KAT6A: variants seen among roughly 807,000 people sequenced by gnomAD.
KAT6A encodes the protein lysine acetyltransferase 6A, also known as histone acetyltransferase KAT6A.
KAT6A carries 9 observed loss-of-function variants against 198.4 expected under a neutral mutation model. The observed-to-expected ratio is 0.05, with a 90% confidence interval of 0.03 to 0.08. The LOEUF is 0.08. KAT6A is among the 10% of genes least tolerant of loss of function. The pLI is 1.00. For missense variants in KAT6A, 2,077 were observed against 2,509.9 expected (o/e 0.83, Z 3.69); for synonymous variants, 890 against 883.0 (o/e 1.01, Z -0.14).
rs749067201 is a variant in KAT6A, at chr8:41,960,502, G to A, written c.1483-5091C>T. Among the ~76,000 whole-genome samples, 96 of 95,956 alleles carry A rather than the reference G, an allele frequency of 1.0e-3. 1 individual carries two copies. Among genetic ancestry groups the A allele is most frequent in the Non-Finnish European group, 1.6e-3 (85 of 52,464 alleles). The allele number at this position is 95,956 out of a possible 152,430, so 63.0% of individuals were successfully genotyped here. ...AGCCTGGGTGACAGAGTAAGACTCC[G>A]TCTCAAAAAAAAAAAAAAAAAAAAG... On this transcript the variant is annotated intron_variant, in intron 8 of 16. Coordinates refer to ENST00000265713, the MANE Select transcript of KAT6A (RefSeq NM_006766.5).
At chr8:41,998,728 C>G (rs898908688) in intron 2 of KAT6A, among the ~76,000 whole-genome samples, 1 of 152,062 alleles carries the variant, frequency 6.6e-6, no homozygotes. Flanking sequence ...TCTGGGTGGA[C>G]TTTAATCTCT....
At position 41,940,956 on chromosome 8, in the gene KAT6A, C is replaced by A; in HGVS notation, c.2925G>T (p.Glu975Asp). The A allele has an allele frequency of 6.2e-7, 1 of 1,614,224 alleles. No homozygotes were observed. Among genetic ancestry groups the A allele is most frequent in the Non-Finnish European group, 8.5e-7 (1 of 1,180,040 alleles). The change falls in exon 15 of 17, where the codon GAG becomes GAT. Residue 975 changes from glutamate (E) to aspartate (D), a missense_variant. Glu to Asp is a conservative substitution (Grantham distance 45, BLOSUM62 2). Coordinates refer to ENST00000265713, the MANE Select transcript of KAT6A (RefSeq NM_006766.5). ...GSERLPRRYS[E>D]GDRAVLRGFS... ...AGCCCCTGAGGACAGCCCTGTCACC[C>A]TCACTGTAGCGACGGGGCAGCCTCT...
In KAT6A at chr8:41,933,403, G is replaced by C. The variant is rs1821668630; in HGVS notation, c.4817C>G (p.Thr1606Ser). Residue 1606 changes from threonine (T) to serine (S), a missense_variant, in exon 17 of 17, where the codon ACT (threonine) becomes AGT (serine). Coordinates refer to ENST00000265713, the MANE Select transcript of KAT6A (RefSeq NM_006766.5). The surrounding 1 kb of genome is among the most constrained non-coding windows in gnomAD (Gnocchi z 6.2). ...SSLTQSSCVV[T>S]QQMASMGSSC... ...GCTGCCCATGCTGGCCATCTGCTGA[G>C]TGACCACACAGCTGCTCTGGGTGAG... is the stretch of plus-strand genomic sequence containing the variant. The C allele has an allele frequency of 1.9e-6, 3 of 1,609,756 alleles. No individual in the cohort carries two copies. The East Asian group carries it at 6.7e-5, about 36-fold the overall frequency.
chr8:41,940,954 C>T lies in KAT6A; in HGVS notation c.2927G>A (p.Gly976Asp), dbSNP rs139877562. Reference protein sequence around the residue: ...SERLPRRYSEGDRAVLRGFSE... With the variant: ...SERLPRRYSEDDRAVLRGFSE... The stretch of plus-strand genomic sequence containing the variant: ...GAAGCCCCTGAGGACAGCCCTGTCA[C>T]CCTCACTGTAGCGACGGGGCAGCCT... The change falls in exon 15 of 17, where the codon GGT (glycine) becomes GAT (aspartate). Residue 976 changes from glycine to aspartate, a missense_variant. Around this residue, in one of 13 missense-constraint regions of KAT6A, gnomAD observed 301 missense variants for 272.2 expected, o/e 1.11. Transcript: ENST00000265713. 6.2e-6 allele frequency: 10 copies of T among 1,614,210 alleles called. No individual in the cohort carries two copies. Among genetic ancestry groups the T allele is most frequent in the Non-Finnish European group, 7.6e-6 (9 of 1,180,046 alleles).
intron 8 of KAT6A, chr8:41,957,191 T>A (rs1264407342): frequency 5.1e-6 from 3 of 588,052 alleles, no homozygotes; most frequent in South Asian, 4.2e-5. Context: ...CTGTCCAGAA[T>A]GGGACCTGTG....
Position 42,006,258 on chromosome 8 carries a change from G to A in KAT6A, c.601-18695C>T, listed in dbSNP as rs142198905. On this transcript the variant is annotated intron_variant, in intron 2 of 16. Coordinates refer to ENST00000265713, the MANE Select transcript of KAT6A (RefSeq NM_006766.5). ...AAGTAGGTGTCTGGGAGTATGTTAT[G>A]TGTGTGTGTGCAGGTGCACATGTGT... Among the ~76,000 whole-genome samples the A allele has an allele frequency of 6.2e-3, 946 of 152,220 alleles. 7 individuals are homozygous for A. Among genetic ancestry groups the A allele is most frequent in the African/African-American group, 0.022 (920 of 41,550 alleles).
At chr8:42,026,505 C>A (rs1485984413) in intron 2 of KAT6A, among the ~76,000 whole-genome samples, 2 of 152,060 alleles carry the variant, frequency 1.3e-5, no homozygotes, top group Middle Eastern at 3.4e-3. Context: ...AAATTTATAA[C>A]TAGGTTTTGT....
At chr8:41,970,403 C>A (rs938658644) in intron 8 of KAT6A, among the ~76,000 whole-genome samples, 2 of 152,112 alleles carry the variant, frequency 1.3e-5, no homozygotes, top group East Asian at 3.8e-4. Context: ...CACTGTCTCC[C>A]CGAGCCTCAG....
At chr8:41,997,632 T>C (rs1380275250) in intron 2 of KAT6A, among the ~76,000 whole-genome samples, 1 of 152,162 alleles carries the variant, frequency 6.6e-6, no homozygotes, top group Admixed American at 6.5e-5. Flanking sequence ...CCATATATCT[T>C]ATCCATCCAG....
intron 8 of KAT6A, among the ~76,000 whole-genome samples, chr8:41,964,481 T>C (rs1431430538): frequency 6.6e-6 from 1 of 152,064 alleles, no homozygotes; most frequent in East Asian, 1.9e-4. Context: ...GTATCCCTAA[T>C]CTGAAAATCT....
At chr8:42,034,879 A>G (rs1157321391) in intron 2 of KAT6A, among the ~76,000 whole-genome samples, 1 of 152,220 alleles carries the variant, frequency 6.6e-6, no homozygotes. Context: ...TATAGAAGAA[A>G]ATGTGGCAAA....
chr8:41,989,774 G>A (rs1824835211), intron 2 of KAT6A, among the ~76,000 whole-genome samples: 1 of 152,090 alleles, frequency 6.6e-6, no homozygotes, highest in South Asian at 2.1e-4. Context: ...AGAGAGCTAA[G>A]GTGAGAATAC....
chr8:42,036,091 T>C (rs1827364232), intron 2 of KAT6A, among the ~76,000 whole-genome samples: 1 of 151,850 alleles, frequency 6.6e-6, no homozygotes, highest in Non-Finnish European at 1.5e-5. Context: ...ATGAGAGGGG[T>C]ATAAACTCAA....
chr8:41,933,172 GGCT>G lies in KAT6A; in HGVS notation c.5045_5047del (p.Gln1682del), dbSNP rs1821650151. 2 of 1,592,500 alleles carry G rather than the reference GGCT, an allele frequency of 1.3e-6. No homozygotes were observed. Among genetic ancestry groups the G allele is most frequent in the Non-Finnish European group, 8.5e-7 (1 of 1,170,112 alleles). ...TGGAGGCTGCTGGGGCTGAGGCTGC[GGCT>G]GCTGTTGCGGCTGCTGCTGGGGTGG... On this transcript the variant is annotated inframe_deletion, in exon 17 of 17. Coordinates refer to ENST00000265713, the MANE Select transcript of KAT6A (RefSeq NM_006766.5). The surrounding 1 kb of genome is among the most constrained non-coding windows in gnomAD (Gnocchi z 6.2).
chr8:41,965,998 T>C (rs1007506962), intron 8 of KAT6A, among the ~76,000 whole-genome samples: 6 of 152,190 alleles, frequency 3.9e-5, no homozygotes, highest in African/African-American at 9.7e-5. Flanking sequence ...CTTATTAAAA[T>C]AGTAGTTAAG....
chr8:41,933,544 G>A lies in KAT6A; in HGVS notation c.4676C>T (p.Thr1559Ile). 1.2e-6 allele frequency: 2 copies of A among 1,614,090 alleles called. No homozygotes were observed. Among genetic ancestry groups the A allele is most frequent in the Non-Finnish European group, 1.7e-6 (2 of 1,180,040 alleles). ...GCTTGGGTTCTCATAGTTTTCAGTG[G>A]TGCTCTCAATGCTGCCCAGGTCACT... ...GFSDLGSIES[T>I]TENYENPSSY... The change falls in exon 17 of 17, where the codon ACC becomes ATC. Residue 1559 changes from threonine to isoleucine, a missense_variant. Thr to Ile is a moderately conservative substitution (Grantham distance 89, BLOSUM62 -1). Around this residue, in one of 13 missense-constraint regions of KAT6A, gnomAD observed 10 missense variants for 51.2 expected, o/e 0.20. Transcript: ENST00000265713. This position sits in a 1 kb window ranked among gnomAD's most constrained non-coding sequence, Gnocchi z 6.2.
At chr8:42,044,950 C>T (rs1827839072) in intron 2 of KAT6A, among the ~76,000 whole-genome samples, 1 of 152,168 alleles carries the variant, frequency 6.6e-6, no homozygotes, top group Non-Finnish European at 1.5e-5. Flanking sequence ...TAGCAACTGA[C>T]TGCGTAGTTC....
At chr8:41,999,115 A>G (rs1825364771) in intron 2 of KAT6A, among the ~76,000 whole-genome samples, 2 of 152,162 alleles carry the variant, frequency 1.3e-5, no homozygotes, top group Admixed American at 1.3e-4. Context: ...ATGTATGTAG[A>G]TTATTGGAAA....
At position 42,051,921 on chromosome 8, in the gene KAT6A, A is replaced by T. The variant is rs907101124; in HGVS notation, c.-346T>A. ...CTTACCGGGAGGAAGGACAGCCGAGATCCCGGGGCCCCGGGCCGGACCGCG... is the reference window on the plus strand; with the variant it reads ...CTTACCGGGAGGAAGGACAGCCGAGTTCCCGGGGCCCCGGGCCGGACCGCG... On this transcript the variant is annotated 5_prime_UTR_variant, in exon 1 of 17. Transcript: ENST00000265713. 1 of 150,010 alleles carries T rather than the reference A, an allele frequency of 6.7e-6. No individual in the cohort carries two copies. Among genetic ancestry groups the T allele is most frequent in the African/African-American group, 2.5e-5 (1 of 40,626 alleles). The allele number at this position is 150,010 out of a possible 1,614,324, so 9.3% of individuals were successfully genotyped here. A position where few individuals can be genotyped will look rare whatever the true frequency, so the allele number is the denominator to read the frequency against.
Sources: gnomAD v4.1 joint callset for allele counts (sites outside exome capture counted in the v4.1 genomes callset) on GRCh38, gnomAD v4.1.1 for gene constraint, gnomAD v4.1.1 regional missense constraint, Gnocchi (gnomAD v3.1) non-coding constraint, MANE v1.5 for transcripts, NCBI Gene and HGNC (gene_info 2026-07-23, HGNC 2026-07-21) for gene names.